ZNF723: variants seen among roughly 807,000 people sequenced by gnomAD.
ZNF723 encodes the protein zinc finger protein 723.
Under a neutral mutation model 9.4 loss-of-function variants are expected in ZNF723, and 5 were observed. The ratio of observed to expected loss-of-function variants is 0.53; its 90% CI spans 0.28 to 1.12. The LOEUF is 1.12. Among genes scored for constraint, ZNF723 ranks in the 50% most tolerant of loss-of-function variants. The pLI, the probability that ZNF723 is intolerant of heterozygous loss-of-function variation, is 0.10. For synonymous variants in ZNF723, 158 were observed against 168.8 expected (o/e 0.94, Z 0.49); for missense variants, 450 against 501.5 (o/e 0.90, Z 0.98).
chr19:22,823,382 A>T, the ZNF723 span, among the ~76,000 whole-genome samples: 1 of 152,218 alleles, frequency 6.6e-6, no homozygotes, highest in Non-Finnish European at 1.5e-5. Context: ...TGACTCTCAT[A>T]TGAGGATCAG....
the ZNF723 span, among the ~76,000 whole-genome samples, chr19:22,826,839 A>G: frequency 1.3e-5 from 2 of 152,246 alleles, no homozygotes; most frequent in African/African-American, 4.8e-5. Flanking sequence ...GCCAACTTAT[A>G]TATAAAAAAA....
chr19:22,844,144 A>G (rs1486174635), intron 1 of ZNF723, among the ~76,000 whole-genome samples: 1 of 152,162 alleles, frequency 6.6e-6, no homozygotes, highest in Non-Finnish European at 1.5e-5. Flanking sequence ...TCTGAACCCC[A>G]AAGGAGATAA....
chr19:22,831,616 TA>T (rs1447663986), upstream of ZNF723, among the ~76,000 whole-genome samples: 1 of 148,426 alleles, frequency 6.7e-6, no homozygotes, highest in Non-Finnish European at 1.5e-5. Flanking sequence ...ATTGCCTTTT[TA>T]AAAAAAATCT....
chr19:22,838,492 T>C (rs12977026), intron 1 of ZNF723, among the ~76,000 whole-genome samples: 33,732 of 151,496 alleles, frequency 0.22, 4,706 homozygotes, highest in African/African-American at 0.4. Flanking sequence ...GCGGAGGTTG[T>C]GGTGAGCTGA....
intron 3 of ZNF723, among the ~76,000 whole-genome samples, chr19:22,854,525 AACTTAAT>A (rs1420817462): frequency 6.6e-6 from 1 of 151,880 alleles, no homozygotes; most frequent in Non-Finnish European, 1.5e-5. Flanking sequence ...CTGAAACAAA[AACTTAAT>A]AATGTTTTAT....
At chr19:22,851,153 CTATTTATT>C (rs145875284) in intron 3 of ZNF723, among the ~76,000 whole-genome samples, 1 of 150,912 alleles carries the variant, frequency 6.6e-6, no homozygotes, top group Non-Finnish European at 1.5e-5. Flanking sequence ...TAACAGAGAG[CTATTTATT>C]TATTTATTTA....
the ZNF723 span, among the ~76,000 whole-genome samples, chr19:22,821,353 A>G: frequency 2.0e-5 from 3 of 152,132 alleles, no homozygotes; most frequent in Non-Finnish European, 4.4e-5. Context: ...TCTCCTGCGT[A>G]GACCCTGTCC....
At chr19:22,844,031 A>T (rs1220105400) in intron 1 of ZNF723, among the ~76,000 whole-genome samples, 2 of 152,102 alleles carry the variant, frequency 1.3e-5, no homozygotes, top group African/African-American at 4.8e-5. Context: ...TCTTGTTTAG[A>T]TCTGGCCCCA....
Position 22,858,351 on chromosome 19 carries a change from G to A in ZNF723, c.1460G>A (p.Gly487Asp). 2.9e-6 allele frequency: 3 copies of A among 1,033,034 alleles called. No individual in the cohort carries two copies. Among genetic ancestry groups the A allele is most frequent in the East Asian group, 2.4e-5 (1 of 41,176 alleles). The allele number at this position is 1,033,034 out of a possible 1,614,324, so 64.0% of individuals were successfully genotyped here. Residue 487 changes from glycine to aspartate, a missense_variant, in exon 4 of 4, where the codon GGC (glycine) becomes GAC (aspartate). Gly to Asp is a moderately conservative substitution (Grantham distance 94, BLOSUM62 -1). Coordinates refer to ENST00000600766, the MANE Select transcript of ZNF723 (RefSeq NM_001349726.2). The stretch of plus-strand genomic sequence containing the variant: ...AAGCCTTACAAATGTGAAGAATGTG[G>A]CAAAGCCTTTAACAAGTCCTCAATT... ...REKPYKCEECGKAFNKSSILN... is the reference protein window; with the variant it reads ...REKPYKCEECDKAFNKSSILN...
At position 22,858,534 on chromosome 19, in the gene ZNF723, G is replaced by A. The variant is rs552141580; in HGVS notation, c.*101G>A. Reference sequence around the variant, plus strand: ...TGTAATCCCAGCACTTTGGGAGGCCGAGGCGGGCAGATCACCTGAGGTCAG... The same window carrying A: ...TGTAATCCCAGCACTTTGGGAGGCCAAGGCGGGCAGATCACCTGAGGTCAG... On this transcript the variant is annotated 3_prime_UTR_variant, in exon 4 of 4. Transcript: ENST00000600766. 21 of 565,132 alleles carry A rather than the reference G, an allele frequency of 3.7e-5. No individual in the cohort carries two copies. Among genetic ancestry groups the A allele is most frequent in the African/African-American group, 2.4e-4 (13 of 53,232 alleles). 35.0% of individuals were successfully genotyped at this position (565,132 alleles called of 1,614,324 possible). A position where few individuals can be genotyped will look rare whatever the true frequency, so the allele number is the denominator to read the frequency against.
chr19:22,820,172 A>G, the ZNF723 span, among the ~76,000 whole-genome samples: 1 of 152,152 alleles, frequency 6.6e-6, no homozygotes, highest in Non-Finnish European at 1.5e-5. Flanking sequence ...CCATGCTCAC[A>G]GTGGACCTCA....
chr19:22,827,633 G>T (rs1264870530), upstream of ZNF723, among the ~76,000 whole-genome samples: 1 of 151,904 alleles, frequency 6.6e-6, no homozygotes, highest in Non-Finnish European at 1.5e-5. Flanking sequence ...ATTTTTAGTA[G>T]AGACAGAATT....
chr19:22,841,897 A>G (rs549051605), intron 1 of ZNF723, among the ~76,000 whole-genome samples: 24 of 152,328 alleles, frequency 1.6e-4, no homozygotes, highest in African/African-American at 5.8e-4. Flanking sequence ...AAAAAGAAAA[A>G]AACAAACCTT....
intron 1 of ZNF723, among the ~76,000 whole-genome samples, chr19:22,836,389 A>G (rs922401378): frequency 6.6e-6 from 1 of 152,210 alleles, no homozygotes; most frequent in Non-Finnish European, 1.5e-5. Context: ...GTAAAAAAAA[A>G]TTAAATTCTA....
At position 22,857,182 on chromosome 19, in the gene ZNF723, A is replaced by G; in HGVS notation, c.291A>G (p.Lys97=). 1.0e-6 allele frequency: 1 copy of G among 963,624 alleles called. No homozygotes were observed. The highest frequency in any genetic ancestry group is 2.2e-4 in the Middle Eastern group (1 of 4,630). The allele number at this position is 963,624 out of a possible 1,614,324, so 59.7% of individuals were successfully genotyped here. The part of the protein sequence containing the change: ...PEQGIKDSFQ[K]VILRSYGKYG... ...AGGGCATAAAAGATTCTTTCCAAAA[A>G]GTAATACTGAGAAGCTATGGAAAAT... The change falls in exon 4 of 4, where the codon AAA becomes AAG. Residue 97 remains lysine, a synonymous_variant. Transcript: ENST00000600766.
chr19:22,825,644 T>C, the ZNF723 span, among the ~76,000 whole-genome samples: 2 of 152,218 alleles, frequency 1.3e-5, no homozygotes, highest in African/African-American at 4.8e-5. Context: ...TTGTGGCATA[T>C]CACTGAGCCC....
At chr19:22,818,165 G>C in the ZNF723 span, among the ~76,000 whole-genome samples, 3 of 152,088 alleles carry the variant, frequency 2.0e-5, no homozygotes, top group African/African-American at 7.2e-5. Flanking sequence ...TACAGTCATT[G>C]GTCCATAGCA....
At chr19:22,838,356 A>G (rs989235636) in intron 1 of ZNF723, among the ~76,000 whole-genome samples, 2 of 152,072 alleles carry the variant, frequency 1.3e-5, no homozygotes, top group Non-Finnish European at 2.9e-5. Flanking sequence ...GTTTGAGACC[A>G]GCCTGACCAA....
the ZNF723 span, among the ~76,000 whole-genome samples, chr19:22,822,832 A>T: frequency 6.6e-6 from 1 of 152,192 alleles, no homozygotes; most frequent in Admixed American, 6.5e-5. Flanking sequence ...ACTGCACTCC[A>T]GCCTGGACAA....
Sources: allele counts gnomAD v4.1 joint callset (sites outside exome capture counted in the v4.1 genomes callset), GRCh38; gene constraint gnomAD v4.1.1; transcripts MANE v1.5; gene names NCBI Gene and HGNC (gene_info 2026-07-23, HGNC 2026-07-21).